Variants in USP47 observed in about 807,000 individuals in gnomAD.
USP47 encodes the protein ubiquitin carboxyl-terminal hydrolase 47.
In USP47, 35 loss-of-function variants were observed where a neutral mutation model predicts 165.1. That is an observed-to-expected ratio of 0.21 (90% CI 0.16 to 0.28). The LOEUF (loss-of-function observed/expected upper bound fraction) is 0.28. Ranked by LOEUF, USP47 falls within the 10% of genes least tolerant of loss-of-function variation. The probability of loss-of-function intolerance (pLI) is 1.00; values close to 1 mark genes in which losing one functional copy is unlikely to be tolerated. For missense variants in USP47, 1,277 were observed against 1,607.4 expected, an observed-to-expected ratio of 0.79 and a Z score of 3.52; for synonymous variants, 531 against 544.5, an observed-to-expected ratio of 0.98 and a Z score of 0.35.
At chr11:11,955,286 C>T in intron 27 of USP47, 122 bp downstream of exon 27, 1 of 1,176,898 alleles carries the variant, frequency 8.5e-7, no homozygotes, top group East Asian at 2.6e-5. Flanking sequence ...GGTAGAAATA[C>T]AGTGACAGCC....
At chr11:11,941,527 GTAGAGAAAA>G (rs1855471425) in intron 19 of USP47, among the ~76,000 whole-genome samples, 1 of 151,880 alleles carries the variant, frequency 6.6e-6, no homozygotes, top group South Asian at 2.1e-4. Context: ...GTAAACAAAA[GTAGAGAAAA>G]TAGGGAAAAT....
At chr11:11,885,624 A>G (rs1851109026) in intron 3 of USP47, among the ~76,000 whole-genome samples, 1 of 152,194 alleles carries the variant, frequency 6.6e-6, no homozygotes, top group African/African-American at 2.4e-5. Context: ...TCGGACACAC[A>G]TATAGACCCC....
chr11:11,903,132 T>C (rs978756786), intron 6 of USP47, 131 bp from the exon 7 acceptor site: 3 of 899,256 alleles, frequency 3.3e-6, no homozygotes, highest in Admixed American at 6.2e-5. Context: ...ATGTATATTC[T>C]TATGTTCTTT....
intron 18 of USP47, among the ~76,000 whole-genome samples, chr11:11,940,178 A>G (rs995543822): frequency 6.6e-6 from 1 of 152,012 alleles, no homozygotes; most frequent in Non-Finnish European, 1.5e-5. Flanking sequence ...CTAGGAAAAA[A>G]TCCTTACCTT....
At position 11,959,496 on chromosome 11, in the gene USP47, G is replaced by T. The variant is rs973252782; in HGVS notation, c.*3321G>T. Among the ~76,000 whole-genome samples, 2 of 152,148 alleles carry T rather than the reference G, an allele frequency of 1.3e-5. No individual in the cohort carries two copies. The highest frequency in any genetic ancestry group is 2.4e-5 in the African/African-American group (1 of 41,426). ...GGAGTTCATGGCCCAAATGAAGCTT[G>T]TGGCCACCTAGGTTTAGTGTACATG... is the stretch of plus-strand genomic sequence containing the variant. On this transcript the variant is annotated 3_prime_UTR_variant, in exon 28 of 28. Coordinates refer to ENST00000527733, the MANE Select transcript of USP47 (RefSeq NM_001282659.2).
chr11:11,935,415 A>G (rs776103828), intron 16 of USP47, among the ~76,000 whole-genome samples: 2 of 152,030 alleles, frequency 1.3e-5, no homozygotes, highest in Non-Finnish European at 2.9e-5. Flanking sequence ...TTCTTTAAAT[A>G]TAATGGTGGA....
intron 8 of USP47, among the ~76,000 whole-genome samples, chr11:11,918,293 A>G (rs1196292477): frequency 6.6e-6 from 1 of 152,138 alleles, no homozygotes; most frequent in Admixed American, 6.6e-5. Flanking sequence ...GTGTTATGAA[A>G]GAAAGGCAAA....
intron 4 of USP47, among the ~76,000 whole-genome samples, chr11:11,893,169 C>T (rs1164221025): frequency 2.0e-5 from 3 of 152,112 alleles, no homozygotes; most frequent in Middle Eastern, 3.4e-3. Context: ...ATTGTTTAAT[C>T]GCCTAATGAA....
chr11:11,928,940 A>G (rs184389768), intron 11 of USP47, among the ~76,000 whole-genome samples: 126 of 152,166 alleles, frequency 8.3e-4, no homozygotes, highest in African/African-American at 2.8e-3. Flanking sequence ...TTCATTCTTA[A>G]TATGAGAGAA....
At chr11:11,873,817 C>T (rs1463004114) in intron 1 of USP47, 1 of 1,487,752 alleles carries the variant, frequency 6.7e-7, no homozygotes, top group Non-Finnish European at 8.9e-7. Flanking sequence ...TTTGGAGATG[C>T]AGACAAAATA....
At chr11:11,896,787 T>C (rs1270163900) in intron 4 of USP47, among the ~76,000 whole-genome samples, 1 of 152,072 alleles carries the variant, frequency 6.6e-6, no homozygotes, top group Non-Finnish European at 1.5e-5. Context: ...TAGTCTGGAA[T>C]AGAAGCAGTT....
intron 1 of USP47, among the ~76,000 whole-genome samples, chr11:11,872,977 A>C (rs1036430507): frequency 1.3e-5 from 2 of 152,192 alleles, no homozygotes; most frequent in African/African-American, 4.8e-5. Context: ...CAAGAAGTAG[A>C]TTTCAAATAC....
intron 20 of USP47, among the ~76,000 whole-genome samples, chr11:11,944,771 A>G (rs1015943157): frequency 6.6e-6 from 1 of 152,144 alleles, no homozygotes; most frequent in East Asian, 1.9e-4. Flanking sequence ...CTGCTTTTTT[A>G]CCATACTCAA....
rs1237073551 is a variant in USP47 at position 11,956,795 on chromosome 11, CG to C, written c.*621del. The C allele has an allele frequency of 4.6e-5, 7 of 152,720 alleles. No individual in the cohort carries two copies. The highest frequency in any genetic ancestry group is 2.9e-5 in the Non-Finnish European group (2 of 68,070). 9.5% of individuals were successfully genotyped at this position (152,720 alleles called of 1,614,324 possible). ...AGAACATTATTCTGGAACATCAGAACGTTTCCCTTAGACCGATCCCAGCAGG... is the reference window on the plus strand; with the variant it reads ...AGAACATTATTCTGGAACATCAGAACTTTCCCTTAGACCGATCCCAGCAGG... On this transcript the variant is annotated 3_prime_UTR_variant, in exon 28 of 28. Transcript: ENST00000527733.
chr11:11,896,999 A>G (rs988694373), intron 4 of USP47, among the ~76,000 whole-genome samples: 24 of 151,622 alleles, frequency 1.6e-4, no homozygotes, highest in African/African-American at 5.8e-4. Context: ...TGATCTATAG[A>G]ATTTCATTGA....
At chr11:11,918,270 T>G (rs1184967525) in intron 8 of USP47, among the ~76,000 whole-genome samples, 1 of 152,000 alleles carries the variant, frequency 6.6e-6, no homozygotes, top group Non-Finnish European at 1.5e-5. Flanking sequence ...CCTCTGTTCT[T>G]CAAAAAATAT....
At chr11:11,850,837 T>C (rs1177454769) in intron 1 of USP47, among the ~76,000 whole-genome samples, 2 of 152,188 alleles carry the variant, frequency 1.3e-5, no homozygotes, top group African/African-American at 4.8e-5. Context: ...GCAGATTTGG[T>C]GTCTGGTAAA....
chr11:11,865,637 G>A (rs568351440), intron 1 of USP47, among the ~76,000 whole-genome samples: 2 of 152,188 alleles, frequency 1.3e-5, no homozygotes, highest in African/African-American at 4.8e-5. Context: ...ATGCACAAGA[G>A]TTCCAGTTTC....
chr11:11,926,967 G>A (rs1854297606), intron 11 of USP47, among the ~76,000 whole-genome samples: 1 of 150,608 alleles, frequency 6.6e-6, no homozygotes, highest in Non-Finnish European at 1.5e-5. Flanking sequence ...TTGTTCAAGA[G>A]TGTGTTGTTT....
Sources: allele counts gnomAD v4.1 joint callset (sites outside exome capture counted in the v4.1 genomes callset), GRCh38; gene constraint gnomAD v4.1.1; transcripts MANE v1.5; gene names NCBI Gene and HGNC (gene_info 2026-07-23, HGNC 2026-07-21).